Variants in LPIN1 observed in about 807,000 individuals in gnomAD.
LPIN1 encodes phosphatidate phosphatase LPIN1.
A neutral mutation model predicts 107.5 loss-of-function variants in LPIN1; 71 were observed. The observed-to-expected ratio is 0.66, with a 90% CI of 0.55 to 0.80. The LOEUF is 0.80. Among genes scored for constraint, LPIN1 ranks in the 30% least tolerant of loss-of-function variants. The probability of loss-of-function intolerance (pLI) is 0.00; values close to 1 mark genes in which losing one functional copy is unlikely to be tolerated. For synonymous variants in LPIN1, 445 were observed against 452.6 expected, an observed-to-expected ratio of 0.98 and a Z score of 0.21; for missense variants, 1,043 against 1,160.6, an observed-to-expected ratio of 0.90 and a Z score of 1.47.
Position 11,791,955 on chromosome 2 carries a change from G to T in LPIN1, c.1755G>T (p.Lys585Asn). The T allele has an allele frequency of 1.9e-6, 3 of 1,614,036 alleles. No individual in the cohort carries two copies. The highest frequency in any genetic ancestry group is 2.5e-6 in the Non-Finnish European group (3 of 1,179,948). Reference sequence around the variant, plus strand: ...TCATGAGGGATAAAATGCCCAAAAAGGGAGGAAGATGGTGGTTTTCATGGA... The same window carrying T: ...TCATGAGGGATAAAATGCCCAAAAATGGAGGAAGATGGTGGTTTTCATGGA... ...ESIMRDKMPK[K>N]GGRWWFSWRG... The change falls in exon 13 of 21, where the codon AAG becomes AAT. Residue 585 changes from lysine to asparagine, a missense_variant. Coordinates refer to ENST00000674199, the MANE Select transcript of LPIN1 (RefSeq NM_001349206.2).
At chr2:11,817,423 T>C (rs558252692) in intron 18 of LPIN1, 1 of 152,372 alleles carries the variant, frequency 6.6e-6, no homozygotes, top group East Asian at 1.9e-4. Context: ...ATGTATTGTT[T>C]CCTCTGTAGT....
chr2:11,776,914 G>A (rs1390579789), intron 6 of LPIN1, among the ~76,000 whole-genome samples: 1 of 152,182 alleles, frequency 6.6e-6, no homozygotes, highest in Admixed American at 6.5e-5. Context: ...TAAAGATCCA[G>A]ACCTCAGGAT....
At chr2:11,760,751 GTC>G (rs1340391809) in intron 1 of LPIN1, among the ~76,000 whole-genome samples, 1 of 152,168 alleles carries the variant, frequency 6.6e-6, no homozygotes, top group Non-Finnish European at 1.5e-5. Flanking sequence ...CTGCCCTTAT[GTC>G]TCTCGCTTTC....
At chr2:11,759,120 CTTGCTTTCTTTCT>C (rs1278894391) in intron 1 of LPIN1, among the ~76,000 whole-genome samples, 164 of 147,152 alleles carry the variant, frequency 1.1e-3, no homozygotes, top group African/African-American at 3.8e-3. Flanking sequence ...AGCTAGCTAG[CTTGCTTTCTTTCT>C]TTTCTTTCTT....
rs1356873453 is a variant in LPIN1, at chr2:11,825,480, T to C, written c.*689T>C. 1.3e-5 allele frequency: 2 copies of C among 153,028 alleles called. No homozygotes were observed. The highest frequency in any genetic ancestry group is 4.8e-5 in the African/African-American group (2 of 41,476). The allele number at this position is 153,028 out of a possible 1,614,324, so 9.5% of individuals were successfully genotyped here. On this transcript the variant is annotated 3_prime_UTR_variant, in exon 21 of 21. Transcript: ENST00000674199. The surrounding 1 kb of genome is among the most constrained non-coding windows in gnomAD (Gnocchi z 4.1). ...TTGGCATATCTCCCCCCAGTTTTTG[T>C]GGCTCAAGGCTGGAATATTTATGCC...
intron 10 of LPIN1, among the ~76,000 whole-genome samples, chr2:11,785,393 CGA>C (rs1674380143): frequency 6.6e-6 from 1 of 152,060 alleles, no homozygotes; most frequent in African/African-American, 2.4e-5. Context: ...GTGTCGGCAG[CGA>C]GAGAGAAGTG....
Position 11,765,406 on chromosome 2 carries a change from G to A in LPIN1, c.-9-127G>A, listed in dbSNP as rs543086905. The stretch of plus-strand genomic sequence containing the variant: ...TATGGGGGTGGATAGAACACATTCC[G>A]GAAATGAGAGGAGCTGAAAGTTGAG... On this transcript the variant is annotated intron_variant, in intron 1 of 20. Coordinates refer to ENST00000674199, the MANE Select transcript of LPIN1 (RefSeq NM_001349206.2). This position sits in a 1 kb window ranked among gnomAD's most constrained non-coding sequence, Gnocchi z 4.4. The A allele has an allele frequency of 1.8e-5, 16 of 872,244 alleles. No individual in the cohort carries two copies. The highest frequency in any genetic ancestry group is 8.4e-5 in the African/African-American group (5 of 59,842). 54.0% of individuals were successfully genotyped at this position (872,244 alleles called of 1,614,324 possible).
chr2:11,714,413 C>G (rs981794360), intron 2 of LPIN1, among the ~76,000 whole-genome samples: 1 of 152,198 alleles, frequency 6.6e-6, no homozygotes, highest in African/African-American at 2.4e-5. Context: ...TTCCACAGCC[C>G]AAAGGCCATC....
rs1273686552 is a variant in LPIN1, at chr2:11,774,383, T to C, written c.722+638T>C. ...TGTGTTCTCAACACAGGAAATAATA[T>C]AACCCCCATTGGGATGAAAATTCAT... On this transcript the variant is annotated intron_variant, in intron 5 of 20. Transcript: ENST00000674199. This position sits in a 1 kb window ranked among gnomAD's most constrained non-coding sequence, Gnocchi z 4.4. Among the ~76,000 whole-genome samples, 1 of 152,080 alleles carries C rather than the reference T, an allele frequency of 6.6e-6. No homozygotes were observed. Among genetic ancestry groups the C allele is most frequent in the Non-Finnish European group, 1.5e-5 (1 of 67,990 alleles).
At position 11,707,160 on chromosome 2, in the gene LPIN1, A is replaced by G. The variant is rs1321843840; in HGVS notation, c.82-6596A>G. The stretch of plus-strand genomic sequence containing the variant: ...GGTCCTATATTTTAGTAGGAAAAAC[A>G]GAAAACAAAGAATAATGATCTAACG... On this transcript the variant is annotated intron_variant, in intron 1 of 21. Coordinates refer to the LPIN1 transcript ENST00000449576. The surrounding 1 kb of genome is among the most constrained non-coding windows in gnomAD (Gnocchi z 4.2). Among the ~76,000 whole-genome samples the G allele has an allele frequency of 6.6e-6, 1 of 152,222 alleles. No homozygotes were observed. Among genetic ancestry groups the G allele is most frequent in the Non-Finnish European group, 1.5e-5 (1 of 68,034 alleles).
At chr2:11,716,433 C>T (rs1052395547) in intron 2 of LPIN1, among the ~76,000 whole-genome samples, 2 of 152,072 alleles carry the variant, frequency 1.3e-5, no homozygotes, top group African/African-American at 2.4e-5. Context: ...TCTCTCTCTC[C>T]CAGTCTCCTC....
At chr2:11,701,870 G>C (rs996562441) in intron 1 of LPIN1, among the ~76,000 whole-genome samples, 15 of 152,200 alleles carry the variant, frequency 9.9e-5, no homozygotes, top group Non-Finnish European at 2.1e-4. Flanking sequence ...TACTGGCTGA[G>C]TGTCTGTTTG....
Position 11,827,231 on chromosome 2 carries a change from ATTCCC to A in LPIN1, c.*2443_*2447del, listed in dbSNP as rs1242371064. The A allele has an allele frequency of 6.6e-6, 1 of 152,612 alleles. No individual in the cohort carries two copies. The highest frequency in any genetic ancestry group is 1.5e-5 in the Non-Finnish European group (1 of 68,044). 9.5% of individuals were successfully genotyped at this position (152,612 alleles called of 1,614,324 possible). A position where few individuals can be genotyped will look rare whatever the true frequency, so the allele number is the denominator to read the frequency against. On this transcript the variant is annotated 3_prime_UTR_variant, in exon 21 of 21. Coordinates refer to ENST00000674199, the MANE Select transcript of LPIN1 (RefSeq NM_001349206.2). The surrounding 1 kb of genome is among the most constrained non-coding windows in gnomAD (Gnocchi z 4.1). ...AAAAATAATTACACTTTCAAAGAGA[ATTCCC>A]TTTGCAATTTTATGTTTGGATCACC...
chr2:11,798,550 A>G (rs1375118433), intron 14 of LPIN1, among the ~76,000 whole-genome samples: 2 of 152,186 alleles, frequency 1.3e-5, no homozygotes, highest in African/African-American at 4.8e-5. Flanking sequence ...TCATATTCAA[A>G]TGGGGCAAAA....
chr2:11,784,059 C>G (rs1175444483), intron 9 of LPIN1, 137 bp downstream of exon 9: 4 of 1,421,178 alleles, frequency 2.8e-6, no homozygotes, highest in Non-Finnish European at 9.6e-7. Context: ...AATCCCAGCA[C>G]TTTGGGAGGC....
At chr2:11,785,613 C>T (rs1193145474) in intron 10 of LPIN1, among the ~76,000 whole-genome samples, 6 of 152,280 alleles carry the variant, frequency 3.9e-5, no homozygotes. Flanking sequence ...CAGCAGTTAT[C>T]AGCTGGGGAC....
At chr2:11,773,179 T>C (rs867988935) in intron 4 of LPIN1, among the ~76,000 whole-genome samples, 1 of 152,228 alleles carries the variant, frequency 6.6e-6, no homozygotes, top group Non-Finnish European at 1.5e-5. Flanking sequence ...CATTTATTTC[T>C]TCTGCTAGAC....
chr2:11,748,489 C>T (rs1452318635), intron 1 of LPIN1, among the ~76,000 whole-genome samples: 1 of 152,096 alleles, frequency 6.6e-6, no homozygotes, highest in Non-Finnish European at 1.5e-5. Context: ...AGGATTGTTG[C>T]AAAAATTAAT....
chr2:11,755,101 G>A (rs929109978), intron 1 of LPIN1, among the ~76,000 whole-genome samples: 2 of 152,060 alleles, frequency 1.3e-5, no homozygotes, highest in Non-Finnish European at 2.9e-5. Context: ...AAGTAGCTGG[G>A]ACTACAGGCG....
Sources: gnomAD v4.1 joint callset for allele counts (sites outside exome capture counted in the v4.1 genomes callset) on GRCh38, gnomAD v4.1.1 for gene constraint, Gnocchi (gnomAD v3.1) non-coding constraint, MANE v1.5 for transcripts, NCBI Gene and HGNC (gene_info 2026-07-23, HGNC 2026-07-21) for gene names.